SLC25A53: variants seen among roughly 807,000 people sequenced by gnomAD.
The protein encoded by SLC25A53 is mitochondrial carrier triple repeat protein 6.
Under a neutral mutation model 15.0 loss-of-function variants are expected in SLC25A53, and 5 were observed. That is an observed-to-expected ratio of 0.33 (90% CI 0.17 to 0.70). SLC25A53 has a LOEUF of 0.70. SLC25A53 is among the 30% of genes least tolerant of loss of function. SLC25A53 has a pLI of 0.67. For missense variants in SLC25A53, 216 were observed against 241.6 expected (o/e 0.89, Z 0.70); for synonymous variants, 95 against 100.0 (o/e 0.95, Z 0.30).
At chrX:104,115,233 T>C in intron 1 of SLC25A53, 1 of 1,205,335 alleles carries the variant, frequency 8.3e-7, no homozygotes, top group African/African-American at 1.7e-5. Flanking sequence ...TTTTTGAGAA[T>C]CTGATCATCA....
At chrX:104,134,671 G>A (rs1318257844) in intron 1 of SLC25A53, among the ~76,000 whole-genome samples, 1 of 111,615 alleles carries the variant, frequency 9.0e-6, no homozygotes. Flanking sequence ...CTCAATGAGT[G>A]TTAACTACCA....
At chrX:104,153,549 T>C (rs2075491960) in intron 1 of SLC25A53, among the ~76,000 whole-genome samples, 1 of 111,856 alleles carries the variant, frequency 8.9e-6, no homozygotes, top group South Asian at 3.7e-4. Context: ...TCAATTAGCT[T>C]GTCACATTGT....
chrX:104,153,586 ATTT>A (rs1159491965), intron 1 of SLC25A53, among the ~76,000 whole-genome samples: 5 of 111,798 alleles, frequency 4.5e-5, no homozygotes, highest in Non-Finnish European at 9.4e-5. Context: ...CTCAAACATA[ATTT>A]ATTACCAGAA....
At chrX:104,124,073 T>C (rs1451731250) in intron 1 of SLC25A53, among the ~76,000 whole-genome samples, 1 of 111,727 alleles carries the variant, frequency 9.0e-6, no homozygotes, top group Admixed American at 9.5e-5. Flanking sequence ...TTTGGGTATA[T>C]ACACAGTAAT....
intron 1 of SLC25A53, chrX:104,114,783 T>C: frequency 8.3e-7 from 1 of 1,211,682 alleles, no homozygotes; most frequent in Non-Finnish European, 1.1e-6. Context: ...ATTGGGATGA[T>C]GCTTTTATTA....
At chrX:104,120,045 G>A (rs2075388704) in intron 1 of SLC25A53, among the ~76,000 whole-genome samples, 1 of 111,507 alleles carries the variant, frequency 9.0e-6, no homozygotes, top group African/African-American at 3.3e-5. Context: ...GGTTGCATGC[G>A]GCATCGGTTC....
chrX:104,112,270 T>G (rs1384031750), intron 1 of SLC25A53: 2 of 112,392 alleles, frequency 1.8e-5, no homozygotes, highest in Admixed American at 1.9e-4. Context: ...AGCCGAGGTG[T>G]AAGGGGATAG....
At chrX:104,131,421 C>G (rs2075425419) in intron 1 of SLC25A53, among the ~76,000 whole-genome samples, 1 of 111,591 alleles carries the variant, frequency 9.0e-6, no homozygotes, top group African/African-American at 3.3e-5. Context: ...CAGACTACCG[C>G]CCCCATGTAC....
chrX:104,134,151 T>C (rs1405705456), intron 1 of SLC25A53, among the ~76,000 whole-genome samples: 2 of 111,438 alleles, frequency 1.8e-5, no homozygotes, highest in Non-Finnish European at 3.8e-5. Flanking sequence ...AAAGAAACTG[T>C]CAAATGATAA....
chrX:104,145,854 A>C (rs1419502885), intron 1 of SLC25A53, among the ~76,000 whole-genome samples: 1 of 112,071 alleles, frequency 8.9e-6, no homozygotes, highest in Non-Finnish European at 1.9e-5. Flanking sequence ...GACCAGACGG[A>C]TTCACAGCCA....
chrX:104,142,157 A>C (rs1302455896), intron 1 of SLC25A53, among the ~76,000 whole-genome samples: 1 of 110,728 alleles, frequency 9.0e-6, no homozygotes, highest in Non-Finnish European at 1.9e-5. Flanking sequence ...AGGTGGGAGG[A>C]TTGTTTGAGC....
intron 1 of SLC25A53, among the ~76,000 whole-genome samples, chrX:104,142,869 C>T (rs1171542637): frequency 2.0e-5 from 2 of 101,088 alleles, no homozygotes; most frequent in African/African-American, 3.7e-5. Flanking sequence ...TACGGTGAGC[C>T]GAGATTGCAC....
At chrX:104,137,168 G>T (rs782808319) in intron 1 of SLC25A53, among the ~76,000 whole-genome samples, 17 of 111,090 alleles carry the variant, frequency 1.5e-4, no homozygotes, top group Non-Finnish European at 2.6e-4. Context: ...ATTCAAGCCT[G>T]CCCTGGGTCC....
At chrX:104,155,069 T>C (rs1377008034) in intron 1 of SLC25A53, among the ~76,000 whole-genome samples, 1 of 111,614 alleles carries the variant, frequency 9.0e-6, no homozygotes, top group Non-Finnish European at 1.9e-5. Context: ...CTAAGCAGTG[T>C]CAAATAAGTC....
At chrX:104,132,848 G>A (rs1284843599) in intron 1 of SLC25A53, among the ~76,000 whole-genome samples, 1 of 111,907 alleles carries the variant, frequency 8.9e-6, no homozygotes, top group Non-Finnish European at 1.9e-5. Context: ...GCTGAAAACT[G>A]TGGGGATAAA....
At chrX:104,128,480 CA>C (rs782183213) in intron 1 of SLC25A53, among the ~76,000 whole-genome samples, 1 of 111,816 alleles carries the variant, frequency 8.9e-6, no homozygotes, top group Non-Finnish European at 1.9e-5. Context: ...TGCCTCAGTA[CA>C]AGACAGCTAG....
chrX:104,117,200 AT>A (rs2075380285), intron 1 of SLC25A53, among the ~76,000 whole-genome samples: 1 of 44,982 alleles, frequency 2.2e-5, no homozygotes, highest in Non-Finnish European at 4.0e-5. Flanking sequence ...CCCCTGCTCC[AT>A]CCATATCCCC....
intron 1 of SLC25A53, among the ~76,000 whole-genome samples, chrX:104,118,500 C>T (rs1556361978): frequency 8.8e-6 from 1 of 113,019 alleles, no homozygotes; most frequent in African/African-American, 3.2e-5. Flanking sequence ...TATTACATGC[C>T]AGGCACCCAG....
At chrX:104,151,981 T>C (rs1305859005) in intron 1 of SLC25A53, among the ~76,000 whole-genome samples, 5 of 111,614 alleles carry the variant, frequency 4.5e-5, no homozygotes, top group Non-Finnish European at 7.5e-5. Flanking sequence ...CGTGCAAAAG[T>C]TGATTAATTT....
Sources: allele counts gnomAD v4.1 joint callset (sites outside exome capture counted in the v4.1 genomes callset), GRCh38; gene constraint gnomAD v4.1.1; transcripts MANE v1.5; gene names NCBI Gene and HGNC (gene_info 2026-07-23, HGNC 2026-07-21).